The following LUC7L2 variants were observed in gnomAD, a reference collection of about 807,000 sequenced individuals.
The protein encoded by LUC7L2 is LUC7 like 2, pre-mRNA splicing factor.
A neutral mutation model predicts 52.8 loss-of-function variants in LUC7L2; 25 were observed. The ratio of observed to expected loss-of-function variants is 0.47; its 90% CI spans 0.34 to 0.66. LUC7L2 has a LOEUF of 0.66. Ranked by LOEUF, LUC7L2 falls within the 30% of genes least tolerant of loss-of-function variation. The pLI, the probability that LUC7L2 is intolerant of heterozygous loss-of-function variation, is 0.01. For synonymous variants in LUC7L2, 144 were observed against 160.9 expected (o/e 0.89, Z 0.80); for missense variants, 328 against 497.8 (o/e 0.66, Z 3.25).
intron 2 of LUC7L2, among the ~76,000 whole-genome samples, chr7:139,382,436 G>A (rs1801081311): frequency 6.6e-6 from 1 of 152,142 alleles, no homozygotes. Flanking sequence ...AGGCTGGAGT[G>A]CAGTGGTGCT....
chr7:139,352,081 G>C (rs1298017307), intron 1 of LUC7L2, among the ~76,000 whole-genome samples: 1 of 152,124 alleles, frequency 6.6e-6, no homozygotes, highest in African/African-American at 2.4e-5. Context: ...CATAGTCCCA[G>C]CTACTCAGGA....
chr7:139,409,424 G>T (rs1795259588), intron 6 of LUC7L2, 139 bp from the exon 7 acceptor site: 3 of 1,088,502 alleles, frequency 2.8e-6, no homozygotes, highest in Non-Finnish European at 3.6e-6. Context: ...ATTATTTCTG[G>T]CAGTACTTCA....
intron 1 of LUC7L2, among the ~76,000 whole-genome samples, chr7:139,364,230 C>T (rs758482776): frequency 6.6e-6 from 1 of 151,912 alleles, no homozygotes; most frequent in Non-Finnish European, 1.5e-5. Flanking sequence ...GGTGATCCAC[C>T]ATGCCCAGCC....
chr7:139,420,046 TGTCTCTGATACAA>T (rs1795817937), intron 9 of LUC7L2, among the ~76,000 whole-genome samples: 2 of 132,738 alleles, frequency 1.5e-5, no homozygotes, highest in Admixed American at 1.4e-4. Context: ...GTGAAATACT[TGTCTCTGATACAA>T]GTAGATTCTT....
At chr7:139,364,007 A>G (rs972691476) in intron 1 of LUC7L2, among the ~76,000 whole-genome samples, 2 of 94,516 alleles carry the variant, frequency 2.1e-5, no homozygotes, top group Non-Finnish European at 3.7e-5. Flanking sequence ...TTTTTTTGAG[A>G]CAGGGTCTCT....
chr7:139,390,777 C>T (rs1385207516), intron 2 of LUC7L2, among the ~76,000 whole-genome samples: 3 of 151,544 alleles, frequency 2.0e-5, no homozygotes, highest in South Asian at 4.2e-4. Context: ...AGGATGGTCT[C>T]GATCTCCTGA....
At chr7:139,380,394 T>TC (rs1199468706) in intron 2 of LUC7L2, among the ~76,000 whole-genome samples, 1 of 151,952 alleles carries the variant, frequency 6.6e-6, no homozygotes, top group African/African-American at 2.4e-5. Context: ...GGTCAGGAGT[T>TC]CGAGACCAGC....
At chr7:139,350,252 G>A (rs1799408740) in intron 1 of LUC7L2, among the ~76,000 whole-genome samples, 1 of 152,078 alleles carries the variant, frequency 6.6e-6, no homozygotes, top group Non-Finnish European at 1.5e-5. Flanking sequence ...CTCCTGAGTA[G>A]CTGGGACTAC....
chr7:139,345,263 T>G (rs1799216472), intron 1 of LUC7L2, among the ~76,000 whole-genome samples: 1 of 152,198 alleles, frequency 6.6e-6, no homozygotes, highest in Non-Finnish European at 1.5e-5. Context: ...CTTGCAGTAC[T>G]GACTGAATAC....
chr7:139,392,935 T>G (rs1451148698), intron 2 of LUC7L2, among the ~76,000 whole-genome samples: 1 of 151,294 alleles, frequency 6.6e-6, no homozygotes, highest in Non-Finnish European at 1.5e-5. Context: ...ATTATAGGCG[T>G]GAGCAACTGC....
chr7:139,399,213 G>A (rs113471917), intron 3 of LUC7L2, among the ~76,000 whole-genome samples: 1,855 of 152,044 alleles, frequency 0.012, 43 homozygotes, highest in African/African-American at 0.043. Context: ...TTTTGTTCTT[G>A]TTATTATTCC....
chr7:139,352,518 A>G (rs1022955998), intron 1 of LUC7L2, among the ~76,000 whole-genome samples: 4 of 152,266 alleles, frequency 2.6e-5, no homozygotes, highest in African/African-American at 9.6e-5. Flanking sequence ...TATTTTAAAA[A>G]GTTTCTTTCA....
chr7:139,407,370 C>G lies in LUC7L2; in HGVS notation c.687+20C>G, dbSNP rs759721580. The G allele has an allele frequency of 6.3e-7, 1 of 1,596,178 alleles. No individual in the cohort carries two copies. The highest frequency in any genetic ancestry group is 1.1e-5 in the South Asian group (1 of 88,144). ...TTAAAGGTACATTGGTAAAATATTC[C>G]TCACTTTATCCTCTTGTTCTTTTGA... On this transcript the variant is annotated intron_variant, in intron 6 of 9. Coordinates refer to ENST00000354926, the MANE Select transcript of LUC7L2 (RefSeq NM_016019.5).
intron 1 of LUC7L2, among the ~76,000 whole-genome samples, chr7:139,368,478 C>T (rs575735146): frequency 8.3e-4 from 127 of 152,288 alleles, no homozygotes; most frequent in African/African-American, 2.8e-3. Flanking sequence ...GTGGCTCACG[C>T]CTGTAATCCC....
chr7:139,382,928 A>G (rs953949216), intron 2 of LUC7L2, among the ~76,000 whole-genome samples: 14 of 151,522 alleles, frequency 9.2e-5, no homozygotes, highest in African/African-American at 3.4e-4. Context: ...AAAACTGCTG[A>G]AGTATCTTTT....
intron 2 of LUC7L2, among the ~76,000 whole-genome samples, chr7:139,383,873 A>AT (rs1794075851): frequency 6.6e-6 from 1 of 151,216 alleles, no homozygotes; most frequent in South Asian, 2.1e-4. Flanking sequence ...AGCTGGGACT[A>AT]CAGGTGCCCG....
chr7:139,390,233 CTCTCTCTT>C (rs1794384401), intron 2 of LUC7L2, among the ~76,000 whole-genome samples: 1 of 107,812 alleles, frequency 9.3e-6, no homozygotes, highest in Non-Finnish European at 1.8e-5. Context: ...CTCTCTCTCT[CTCTCTCTT>C]TTTTTCTTAT....
Position 139,422,600 on chromosome 7 carries a change from CAAGT to C in LUC7L2, c.*264_*267del, listed in dbSNP as rs1030046595. The C allele has an allele frequency of 2.9e-6, 2 of 693,248 alleles. No homozygotes were observed. The highest frequency in any genetic ancestry group is 3.8e-5 in the African/African-American group (2 of 53,332). 42.9% of individuals were successfully genotyped at this position (693,248 alleles called of 1,614,324 possible). On this transcript the variant is annotated 3_prime_UTR_variant, in exon 10 of 10. Transcript: ENST00000354926. The stretch of plus-strand genomic sequence containing the variant: ...TAAGATGCTGATCTCTTTATTCTTT[CAAGT>C]AAGAGTGCTAGTGAACAAATTGTGT...
At chr7:139,413,039 T>C (rs1426023272) in intron 8 of LUC7L2, among the ~76,000 whole-genome samples, 1 of 152,146 alleles carries the variant, frequency 6.6e-6, no homozygotes, top group Non-Finnish European at 1.5e-5. Flanking sequence ...CCAAAATGTT[T>C]AGTATACCCT....
Sources: gnomAD v4.1 joint callset for allele counts (sites outside exome capture counted in the v4.1 genomes callset) on GRCh38, gnomAD v4.1.1 for gene constraint, MANE v1.5 for transcripts, NCBI Gene and HGNC (gene_info 2026-07-23, HGNC 2026-07-21) for gene names.